KLHL1: variants seen among roughly 807,000 people sequenced by gnomAD.
KLHL1 encodes kelch like family member 1.
A neutral mutation model predicts 77.7 loss-of-function variants in KLHL1; 47 were observed. The ratio of observed to expected loss-of-function variants is 0.60; its 90% CI spans 0.48 to 0.77. The LOEUF (loss-of-function observed/expected upper bound fraction) is 0.77. Among genes scored for constraint, KLHL1 ranks in the 30% least tolerant of loss-of-function variants. KLHL1 has a pLI of 0.00. For synonymous variants in KLHL1, 360 were observed against 325.2 expected (o/e 1.11, Z -1.15); for missense variants, 925 against 910.8 (o/e 1.02, Z -0.20).
At chr13:69,871,241 C>T (rs1013391334) in intron 5 of KLHL1, among the ~76,000 whole-genome samples, 4 of 152,116 alleles carry the variant, frequency 2.6e-5, no homozygotes, top group African/African-American at 9.7e-5. Context: ...CTGGAGCAGC[C>T]TGGATATGGG....
intron 7 of KLHL1, among the ~76,000 whole-genome samples, chr13:69,784,248 C>A (rs546246079): frequency 2.0e-4 from 30 of 152,238 alleles, no homozygotes; most frequent in African/African-American, 6.7e-4. Context: ...ATGTAAAGAC[C>A]ATCAAGGCTA....
chr13:69,765,324 AAC>A (rs1875246701), intron 7 of KLHL1, among the ~76,000 whole-genome samples: 1 of 152,100 alleles, frequency 6.6e-6, no homozygotes, highest in Admixed American at 6.6e-5. Context: ...AATAATATGA[AAC>A]ACATATTGAT....
At chr13:69,939,364 T>TACATAC in intron 4 of KLHL1, among the ~76,000 whole-genome samples, 2 of 89,292 alleles carry the variant, frequency 2.2e-5, no homozygotes, top group African/African-American at 8.6e-5. Context: ...TATATATATA[T>TACATAC]ATATATATAT....
At chr13:69,983,029 A>G (rs1047337970) in intron 1 of KLHL1, among the ~76,000 whole-genome samples, 10 of 152,156 alleles carry the variant, frequency 6.6e-5, no homozygotes, top group Non-Finnish European at 4.4e-5. Context: ...TAAAATCAAA[A>G]TGTAAAAATC....
At chr13:70,008,427 T>C (rs1475758361) in intron 1 of KLHL1, among the ~76,000 whole-genome samples, 2 of 152,098 alleles carry the variant, frequency 1.3e-5, no homozygotes, top group African/African-American at 2.4e-5. Flanking sequence ...TAAGTGTGTA[T>C]GTATCTATCT....
chr13:69,987,495 A>G (rs59453709), intron 1 of KLHL1, among the ~76,000 whole-genome samples: 23,574 of 151,844 alleles, frequency 0.16, 3,870 homozygotes, highest in African/African-American at 0.42. Context: ...ACAAAGTAAA[A>G]ACATGTAAAT....
intron 5 of KLHL1, among the ~76,000 whole-genome samples, chr13:69,841,589 C>T (rs1879263567): frequency 6.6e-6 from 1 of 151,828 alleles, no homozygotes; most frequent in Admixed American, 6.6e-5. Flanking sequence ...ATCCCATGCT[C>T]ACAGATCAGA....
At chr13:69,716,921 A>C (rs1041721200) in intron 9 of KLHL1, among the ~76,000 whole-genome samples, 1 of 152,108 alleles carries the variant, frequency 6.6e-6, no homozygotes, top group Non-Finnish European at 1.5e-5. Flanking sequence ...CATTTTGGAC[A>C]CTGATTTTTC....
intron 6 of KLHL1, among the ~76,000 whole-genome samples, chr13:69,801,050 C>G (rs78176007): frequency 6.6e-6 from 1 of 152,150 alleles, no homozygotes; most frequent in African/African-American, 2.4e-5. Flanking sequence ...ATACATTATT[C>G]GGGTGATGAC....
chr13:70,043,646 A>G (rs1886429760), intron 1 of KLHL1, among the ~76,000 whole-genome samples: 1 of 152,182 alleles, frequency 6.6e-6, no homozygotes, highest in Non-Finnish European at 1.5e-5. Context: ...CACAAATAAC[A>G]TTGTGTTACA....
chr13:70,057,219 C>T (rs1021682173), intron 1 of KLHL1, among the ~76,000 whole-genome samples: 108 of 152,024 alleles, frequency 7.1e-4, no homozygotes, highest in African/African-American at 2.3e-3. Context: ...TACAACTTAC[C>T]AAGATTGAAC....
In KLHL1 at chr13:69,789,877, T is replaced by C. The variant is rs536228802; in HGVS notation, c.1639+6861A>G. ...TGCATTGTCAAAGGTTGAAGCAACATTAAGTAAGTTTGGAGGAGAATGTAA... is the reference window on the plus strand; with the variant it reads ...TGCATTGTCAAAGGTTGAAGCAACACTAAGTAAGTTTGGAGGAGAATGTAA... On this transcript the variant is annotated intron_variant, in intron 7 of 10. Coordinates refer to ENST00000377844, the MANE Select transcript of KLHL1 (RefSeq NM_020866.3). 9.2e-5 allele frequency among the ~76,000 whole-genome samples: 14 copies of C among 152,250 alleles called. No individual in the cohort carries two copies. In the South Asian group the frequency reaches 1.9e-3, roughly 20 times the overall value.
chr13:69,897,986 G>GA (rs1426333257), intron 4 of KLHL1, among the ~76,000 whole-genome samples: 1 of 152,124 alleles, frequency 6.6e-6, no homozygotes, highest in Non-Finnish European at 1.5e-5. Context: ...CCTCACCATG[G>GA]AAAAAGTAGT....
intron 8 of KLHL1, 49 bp downstream of exon 8, chr13:69,740,345 C>T: frequency 8.0e-7 from 1 of 1,244,288 alleles, no homozygotes. Flanking sequence ...TAATATTTAC[C>T]CAATAACTTT....
intron 5 of KLHL1, among the ~76,000 whole-genome samples, chr13:69,841,998 GA>G (rs1290799336): frequency 3.3e-5 from 5 of 151,744 alleles, no homozygotes; most frequent in Non-Finnish European, 7.4e-5. Context: ...GCAGAAGAAT[GA>G]AACTAGACTC....
chr13:69,866,380 A>G (rs1880365734), intron 5 of KLHL1, among the ~76,000 whole-genome samples: 1 of 152,158 alleles, frequency 6.6e-6, no homozygotes, highest in African/African-American at 2.4e-5. Context: ...TTTAATAGAA[A>G]AAGCTAAAAC....
intron 1 of KLHL1, among the ~76,000 whole-genome samples, chr13:69,987,416 T>C (rs1884902298): frequency 6.6e-6 from 1 of 152,104 alleles, no homozygotes; most frequent in South Asian, 2.1e-4. Context: ...ATGAGCTTAA[T>C]GTCCTTTATT....
In KLHL1 at chr13:70,021,975, G is replaced by A. The variant is rs1885810872; in HGVS notation, c.498-46173C>T. Among the ~76,000 whole-genome samples, 7 of 152,074 alleles carry A rather than the reference G, an allele frequency of 4.6e-5. No individual in the cohort carries two copies. In the South Asian group the frequency reaches 1.4e-3, roughly 31 times the overall value. On this transcript the variant is annotated intron_variant, in intron 1 of 10. Transcript: ENST00000377844. ...TCATTCCCTTCTCTGTTGCAGAGCA[G>A]AAACTTTATTTTAATGAAGTCTCAT... is the stretch of plus-strand genomic sequence containing the variant.
intron 4 of KLHL1, 47 bp from the exon 5 acceptor site, chr13:69,882,542 T>G: frequency 1.5e-6 from 2 of 1,327,410 alleles, no homozygotes; most frequent in Non-Finnish European, 2.2e-6. Context: ...CACTTTTATT[T>G]AGCTAGTAAA....
Sources: gnomAD v4.1 joint callset for allele counts (sites outside exome capture counted in the v4.1 genomes callset) on GRCh38, gnomAD v4.1.1 for gene constraint, MANE v1.5 for transcripts, NCBI Gene and HGNC (gene_info 2026-07-23, HGNC 2026-07-21) for gene names.